DLG2: variants seen among roughly 807,000 people sequenced by gnomAD.
The protein encoded by DLG2 is discs large MAGUK scaffold protein 2.
A neutral mutation model predicts 132.5 loss-of-function variants in DLG2; 45 were observed. The ratio of observed to expected loss-of-function variants is 0.34; its 90% confidence interval spans 0.27 to 0.44. The LOEUF (loss-of-function observed/expected upper bound fraction) is 0.44. Among genes scored for constraint, DLG2 ranks in the 20% least tolerant of loss-of-function variants. DLG2 has a pLI of 1.00. For synonymous variants in DLG2, 424 were observed against 419.6 expected (o/e 1.01, Z -0.13); for missense variants, 1,045 against 1,196.9 (o/e 0.87, Z 1.87).
intron 6 of DLG2, chr11:84,686,896 T>G (rs1338174053): frequency 6.6e-6 from 1 of 152,128 alleles, no homozygotes; most frequent in Non-Finnish European, 1.5e-5. Context: ...GCTCCTACTC[T>G]GCTGAACAGG....
chr11:85,281,779 C>T lies in DLG2; in HGVS notation c.186+3441G>A, dbSNP rs566243045. Among the ~76,000 whole-genome samples the T allele has an allele frequency of 7.2e-5, 11 of 152,068 alleles. No homozygotes were observed. The South Asian group carries it at 1.9e-3, about 26-fold the overall frequency. ...TGGCAGAAATGCAAATTAGTACAAC[C>T]ACTATAGAGAACGGTATGGAGGTTC... is the stretch of plus-strand genomic sequence containing the variant. On this transcript the variant is annotated intron_variant, in intron 4 of 27. Coordinates refer to ENST00000376104, the MANE Select transcript of DLG2 (RefSeq NM_001142699.3).
intron 6 of DLG2, among the ~76,000 whole-genome samples, chr11:84,560,138 G>A (rs1439421604): frequency 6.6e-6 from 1 of 152,092 alleles, no homozygotes; most frequent in Non-Finnish European, 1.5e-5. Flanking sequence ...ACTGTATATA[G>A]TCTGGATACC....
chr11:84,965,762 A>G (rs2053229080), intron 6 of DLG2, among the ~76,000 whole-genome samples: 3 of 152,032 alleles, frequency 2.0e-5, no homozygotes, highest in Admixed American at 2.0e-4. Flanking sequence ...ATATGCTAAG[A>G]ATCTGAGATC....
At chr11:83,899,538 C>G (rs1297159408) in intron 15 of DLG2, among the ~76,000 whole-genome samples, 1 of 152,146 alleles carries the variant, frequency 6.6e-6, no homozygotes, top group Admixed American at 6.6e-5. Context: ...GGGGGCAGGT[C>G]TTTCCCATGC....
chr11:85,270,832 T>G (rs1190599742), intron 4 of DLG2, among the ~76,000 whole-genome samples: 1 of 152,152 alleles, frequency 6.6e-6, no homozygotes, highest in East Asian at 1.9e-4. Flanking sequence ...GCAGAATAAA[T>G]TTCTAAGCAG....
intron 10 of DLG2, among the ~76,000 whole-genome samples, chr11:84,061,257 C>A (rs909083528): frequency 2.6e-5 from 4 of 152,078 alleles, no homozygotes; most frequent in African/African-American, 7.2e-5. Context: ...TATCAGGAAG[C>A]CTTTTGGGGA....
At chr11:83,561,883 CTTTTTT>C (rs66514406) in intron 19 of DLG2, among the ~76,000 whole-genome samples, 8 of 87,964 alleles carry the variant, frequency 9.1e-5, no homozygotes, top group African/African-American at 2.8e-4. Context: ...GTATTTCTTT[CTTTTTT>C]TTTTTTTTTT....
chr11:85,022,538 A>T (rs1421784713), intron 6 of DLG2, among the ~76,000 whole-genome samples: 1 of 152,146 alleles, frequency 6.6e-6, no homozygotes, highest in East Asian at 1.9e-4. Context: ...AAAGCAAAGA[A>T]CACGGTTTGG....
chr11:84,805,600 G>T, intron 6 of DLG2, among the ~76,000 whole-genome samples: 1 of 152,094 alleles, frequency 6.6e-6, no homozygotes, highest in Non-Finnish European at 1.5e-5. Context: ...TTGTTTTAAA[G>T]TGTGTAGCCT....
At chr11:83,675,464 T>C (rs556746502) in intron 18 of DLG2, among the ~76,000 whole-genome samples, 2 of 152,242 alleles carry the variant, frequency 1.3e-5, no homozygotes, top group Non-Finnish European at 2.9e-5. Context: ...TAATCTTCTC[T>C]GAGCAGGTTT....
At chr11:83,777,728 G>A (rs2094640765) in intron 18 of DLG2, among the ~76,000 whole-genome samples, 1 of 152,122 alleles carries the variant, frequency 6.6e-6, no homozygotes. Flanking sequence ...AAATTACACA[G>A]ATACAGATCT....
chr11:85,116,759 C>T (rs550472650), intron 5 of DLG2, among the ~76,000 whole-genome samples: 52 of 151,960 alleles, frequency 3.4e-4, no homozygotes, highest in Non-Finnish European at 6.2e-4. Context: ...GGCTAGACCA[C>T]GTGTGCAATA....
intron 19 of DLG2, among the ~76,000 whole-genome samples, chr11:83,580,790 G>A (rs2096957160): frequency 6.9e-6 from 1 of 143,996 alleles, no homozygotes; most frequent in Non-Finnish European, 1.5e-5. Flanking sequence ...GCAAAAACTG[G>A]CCCTCCCTCC....
chr11:85,178,324 A>G (rs1270595488), intron 4 of DLG2, among the ~76,000 whole-genome samples: 2 of 152,082 alleles, frequency 1.3e-5, no homozygotes, highest in African/African-American at 4.8e-5. Flanking sequence ...CCTAAAGAGA[A>G]TAACACAAAT....
rs371313676 is a variant in DLG2, at chr11:83,989,621, A to G, written c.920-8979T>C. 4.6e-5 allele frequency among the ~76,000 whole-genome samples: 7 copies of G among 152,210 alleles called. No individual in the cohort carries two copies. In the East Asian group the frequency reaches 1.2e-3, roughly 25 times the overall value. On this transcript the variant is annotated intron_variant, in intron 11 of 27. Coordinates refer to ENST00000376104, the MANE Select transcript of DLG2 (RefSeq NM_001142699.3). Reference sequence around the variant, plus strand: ...ACTGATAAAAGAAAATGCACATTTAAAACCAACATGTCTTCAGATTCCAGG... The same window carrying G: ...ACTGATAAAAGAAAATGCACATTTAGAACCAACATGTCTTCAGATTCCAGG...
chr11:84,215,679 A>G (rs1047855138), intron 8 of DLG2, among the ~76,000 whole-genome samples: 1 of 152,172 alleles, frequency 6.6e-6, no homozygotes, highest in African/African-American at 2.4e-5. Context: ...CATATGTTAG[A>G]TGATACCTAT....
At chr11:84,502,269 TCCTTCCTTC>T (rs2099215373) in intron 7 of DLG2, among the ~76,000 whole-genome samples, 1 of 57,090 alleles carries the variant, frequency 1.8e-5, no homozygotes, top group African/African-American at 1.9e-4. Context: ...CTTCCTTCCT[TCCTTCCTTC>T]CTTCTTTCTT....
chr11:84,857,347 A>C (rs1023387178), intron 6 of DLG2, among the ~76,000 whole-genome samples: 1 of 151,976 alleles, frequency 6.6e-6, no homozygotes, highest in African/African-American at 2.4e-5. Context: ...AGGTAAGATC[A>C]AGGCAACACA....
At chr11:84,203,428 A>G (rs1026011818) in intron 8 of DLG2, among the ~76,000 whole-genome samples, 8 of 151,958 alleles carry the variant, frequency 5.3e-5, no homozygotes, top group Non-Finnish European at 1.0e-4. Flanking sequence ...TAAAAATACA[A>G]AAAATTAGCT....
Sources: gnomAD v4.1 joint callset for allele counts (sites outside exome capture counted in the v4.1 genomes callset) on GRCh38, gnomAD v4.1.1 for gene constraint, MANE v1.5 for transcripts, NCBI Gene and HGNC (gene_info 2026-07-23, HGNC 2026-07-21) for gene names.